Variants in TTC34 observed in about 807,000 individuals in gnomAD.
The protein encoded by TTC34 is tetratricopeptide repeat protein 34.
TTC34 carries 44 observed loss-of-function variants against 40.7 expected under a neutral mutation model. That is an observed-to-expected ratio of 1.08 (90% CI 0.85 to 1.39). The LOEUF (loss-of-function observed/expected upper bound fraction) is 1.39. Ranked by LOEUF, TTC34 falls within the 40% of genes most tolerant of loss-of-function variation. TTC34 has a pLI of 0.00. For synonymous variants in TTC34, 422 were observed against 398.6 expected (o/e 1.06, Z -0.70); for missense variants, 884 against 838.0 (o/e 1.05, Z -0.68).
chr1:2,660,223 CCCACACCCA>C, intron 6 of TTC34, among the ~76,000 whole-genome samples: 1 of 75,326 alleles, frequency 1.3e-5, no homozygotes, highest in Non-Finnish European at 3.8e-5. Context: ...GGAGCAGCAC[CCCACACCCA>C]CAGGTGAGCA....
In TTC34 at chr1:2,644,319, TC is replaced by T; in HGVS notation, c.2656del (p.Asp886IlefsTer103). 3 of 1,535,626 alleles carry T rather than the reference TC, an allele frequency of 2.0e-6. No homozygotes were observed. Among genetic ancestry groups the T allele is most frequent in the Non-Finnish European group, 8.7e-7 (1 of 1,146,814 alleles). ...CAGGAGATGCAGCAGGCAGCTGAGA[TC>T]CGGGGCATCCACCTCGGCCAGGCTC... On this transcript the variant is annotated frameshift_variant, in exon 8 of 9. Coordinates refer to ENST00000401095, the Ensembl canonical transcript of TTC34. LOFTEE classifies it high-confidence loss of function.
At chr1:2,759,593 C>T (rs1641623885) in intron 6 of TTC34, among the ~76,000 whole-genome samples, 2 of 152,258 alleles carry the variant, frequency 1.3e-5, no homozygotes, top group African/African-American at 4.8e-5. Flanking sequence ...GGAACAGCAC[C>T]CACACCGCCA....
intron 6 of TTC34, among the ~76,000 whole-genome samples, chr1:2,684,418 C>G (rs1460547741): frequency 4.0e-5 from 6 of 148,902 alleles, no homozygotes; most frequent in African/African-American, 1.6e-4. Flanking sequence ...ATCTGACAGA[C>G]TGGAACACCA....
chr1:2,790,487 A>C (rs1484516827), intron 2 of TTC34, 141 bp from the exon 3 acceptor site: 2 of 397,214 alleles, frequency 5.0e-6, no homozygotes, highest in African/African-American at 2.1e-5. Flanking sequence ...TCCAGTCTCC[A>C]GGTGGCCCTG....
intron 6 of TTC34, among the ~76,000 whole-genome samples, chr1:2,748,964 C>A (rs1447813998): frequency 2.4e-3 from 28 of 11,786 alleles, no homozygotes; most frequent in East Asian, 0.018. Context: ...CCCTGCTTCC[C>A]CAGGTGAGCA....
chr1:2,652,077 C>G (rs373775091), intron 6 of TTC34, among the ~76,000 whole-genome samples: 10 of 59,736 alleles, frequency 1.7e-4, no homozygotes, highest in African/African-American at 6.7e-4. Context: ...TGGAGGAGCA[C>G]CCACACCCCC....
chr1:2,756,581 C>T (rs2100447988), intron 6 of TTC34, among the ~76,000 whole-genome samples: 201 of 148,644 alleles, frequency 1.4e-3, no homozygotes, highest in Middle Eastern at 3.5e-3. Flanking sequence ...GAAGCAGCAC[C>T]CACACCAACA....
At chr1:2,785,366 C>T (rs1569960584) in intron 5 of TTC34, among the ~76,000 whole-genome samples, 1 of 152,194 alleles carries the variant, frequency 6.6e-6, no homozygotes, top group African/African-American at 2.4e-5. Flanking sequence ...CCCCCAACCC[C>T]AGAAACAGCA....
At position 2,751,483 on chromosome 1, in the gene TTC34, C is replaced by T. The variant is rs1251488678; in HGVS notation, c.2226+32126G>A. The stretch of plus-strand genomic sequence containing the variant: ...CATCTGACAGACTGGAACTGCACCC[C>T]CATGCCCAGGTGAGCCTCTGACAGC... On this transcript the variant is annotated intron_variant, in intron 6 of 8. Coordinates refer to ENST00000401095, the Ensembl canonical transcript of TTC34. Among the ~76,000 whole-genome samples, 4 of 13,316 alleles carry T rather than the reference C, an allele frequency of 3.0e-4. 1 individual carries two copies. Among genetic ancestry groups the T allele is most frequent in the Middle Eastern group, 0.12 (2 of 16 alleles). 8.7% of individuals were successfully genotyped at this position (13,316 alleles called of 152,430 possible).
chr1:2,777,690 G>T (rs1212675531), intron 6 of TTC34, among the ~76,000 whole-genome samples: 1 of 110,588 alleles, frequency 9.0e-6, no homozygotes, highest in Non-Finnish European at 1.9e-5. Flanking sequence ...AGAGGGCATG[G>T]GGGGGGGGGC....
At chr1:2,768,679 C>A (rs1641883493) in intron 6 of TTC34, among the ~76,000 whole-genome samples, 2 of 150,772 alleles carry the variant, frequency 1.3e-5, no homozygotes, top group South Asian at 4.2e-4. Flanking sequence ...AAGATTCCAA[C>A]AGCATGGAAC....
intron 4 of TTC34, 28 bp from the exon 5 acceptor site, chr1:2,786,051 T>C (rs950292574): frequency 1.4e-6 from 2 of 1,442,674 alleles, no homozygotes; most frequent in African/African-American, 1.4e-5. Context: ...TCACTGCCCA[T>C]GCCCTTGGGA....
intron 6 of TTC34, among the ~76,000 whole-genome samples, chr1:2,657,594 T>A (rs796782859): frequency 1.0e-5 from 1 of 98,244 alleles, no homozygotes; most frequent in African/African-American, 3.1e-5. Flanking sequence ...CAAGTGAGAA[T>A]CTGACAGCCC....
chr1:2,752,193 T>G lies in TTC34; in HGVS notation c.2226+31416A>C, dbSNP rs1290252949. On this transcript the variant is annotated intron_variant, in intron 6 of 8. Coordinates refer to ENST00000401095, the Ensembl canonical transcript of TTC34. The stretch of plus-strand genomic sequence containing the variant: ...ACCAACAGGTGAGCATCTGACAGCC[T>G]GGAACAGAACCCACACCCCCAGGTG... Among the ~76,000 whole-genome samples the G allele has an allele frequency of 3.4e-4, 40 of 117,332 alleles. 8 individuals are homozygous for G. The highest frequency in any genetic ancestry group is 1.5e-3 in the African/African-American group (39 of 26,360). 77.0% of individuals were successfully genotyped at this position (117,332 alleles called of 152,430 possible). A position where few individuals can be genotyped will look rare whatever the true frequency, so the allele number is the denominator to read the frequency against.
intron 6 of TTC34, among the ~76,000 whole-genome samples, chr1:2,656,291 C>T (rs1395877884): frequency 6.6e-6 from 1 of 150,850 alleles, no homozygotes; most frequent in Non-Finnish European, 1.5e-5. Flanking sequence ...GAAGAGCACC[C>T]ACACCCCCAG....
chr1:2,787,728 G>A (rs1643610754), intron 3 of TTC34, 22 bp from the exon 4 acceptor site: 1 of 1,505,676 alleles, frequency 6.6e-7, no homozygotes. Context: ...TCAGCTCAGG[G>A]GGGCATGCCC....
intron 6 of TTC34, among the ~76,000 whole-genome samples, chr1:2,694,009 C>T (rs202045482): frequency 1.0e-5 from 1 of 98,294 alleles, no homozygotes; most frequent in African/African-American, 3.7e-5. Context: ...CATCTGACCG[C>T]CTGGAACAGC....
At chr1:2,787,616 C>G in exon 4 of TTC34, 1 of 1,550,002 alleles carries the variant, frequency 6.5e-7, no homozygotes, top group Middle Eastern at 1.7e-4. Context: ...CCAGGCGGTA[C>G]AGGGCATCAG....
chr1:2,750,298 C>G lies in TTC34; in HGVS notation c.2226+33311G>C, dbSNP rs1203364179. ...AGAGCCCAGACCCCCAGGTGAGCAT[C>G]TGACAGACTGGAACTGCACCCCCAT... is the stretch of plus-strand genomic sequence containing the variant. On this transcript the variant is annotated intron_variant, in intron 6 of 8. Transcript: ENST00000401095. Among the ~76,000 whole-genome samples the G allele has an allele frequency of 1.1e-3, 29 of 25,722 alleles. 1 individual carries two copies. In the East Asian group the frequency reaches 0.014, roughly 12 times the overall value. 16.9% of individuals were successfully genotyped at this position (25,722 alleles called of 152,430 possible).
Sources: allele counts gnomAD v4.1 joint callset (sites outside exome capture counted in the v4.1 genomes callset), GRCh38; gene constraint gnomAD v4.1.1; transcripts MANE v1.5; gene names NCBI Gene and HGNC (gene_info 2026-07-23, HGNC 2026-07-21).